The following CCDC171 variants were observed in gnomAD, a reference collection of about 807,000 sequenced individuals.
CCDC171 encodes the protein coiled-coil domain containing 171.
CCDC171 carries 177 observed loss-of-function variants against 168.2 expected under a neutral mutation model. The observed-to-expected ratio is 1.05, with a 90% CI of 0.93 to 1.19. The LOEUF (loss-of-function observed/expected upper bound fraction) is 1.19. CCDC171 is among the 50% of genes most tolerant of loss of function. The probability of loss-of-function intolerance (pLI) is 0.00; values close to 1 mark genes in which losing one functional copy is unlikely to be tolerated. For missense variants in CCDC171, 1,991 were observed against 1,539.0 expected (o/e 1.29, Z -4.91); for synonymous variants, 687 against 540.8 (o/e 1.27, Z -3.75).
At chr9:15,598,712 T>C (rs1489666641) in intron 6 of CCDC171, among the ~76,000 whole-genome samples, 1 of 152,140 alleles carries the variant, frequency 6.6e-6, no homozygotes, top group Non-Finnish European at 1.5e-5. Flanking sequence ...CTTGTTAACT[T>C]TCTGTCTCAT....
chr9:15,826,326 C>CTT (rs34040261), intron 21 of CCDC171, among the ~76,000 whole-genome samples: 80 of 150,596 alleles, frequency 5.3e-4, no homozygotes, highest in Non-Finnish European at 6.4e-4. Context: ...TTTGTTGATC[C>CTT]TTTTTTTTTA....
At chr9:15,768,904 T>G (rs146339831) in intron 18 of CCDC171, among the ~76,000 whole-genome samples, 2 of 152,298 alleles carry the variant, frequency 1.3e-5, no homozygotes, top group African/African-American at 4.8e-5. Flanking sequence ...TTGTTTCTTA[T>G]TGCATGAATT....
intron 3 of CCDC171, among the ~76,000 whole-genome samples, chr9:15,991,619 C>T (rs1387449161): frequency 6.6e-6 from 1 of 151,948 alleles, no homozygotes; most frequent in Non-Finnish European, 1.5e-5. Context: ...AAAATCCCTT[C>T]AAAAAATCAA....
intron 11 of CCDC171, among the ~76,000 whole-genome samples, chr9:15,703,392 A>G (rs916186827): frequency 1.3e-5 from 2 of 152,234 alleles, no homozygotes; most frequent in East Asian, 1.9e-4. Flanking sequence ...GTTTATATCC[A>G]TTAATATATC....
rs141642229 is a variant in CCDC171, at chr9:15,810,349, T to C, written c.3267+25655T>C. Reference sequence around the variant, plus strand: ...AGCTGGCTTTGCCTAGTGGATCCCATGCCAGGGCCACGGGCAGAGCTGCCT... The same window carrying C: ...AGCTGGCTTTGCCTAGTGGATCCCACGCCAGGGCCACGGGCAGAGCTGCCT... On this transcript the variant is annotated intron_variant, in intron 21 of 25. Coordinates refer to ENST00000380701, the MANE Select transcript of CCDC171 (RefSeq NM_173550.4). Among the ~76,000 whole-genome samples the C allele has an allele frequency of 6.4e-3, 980 of 152,308 alleles. 16 individuals carry two copies. The highest frequency in any genetic ancestry group is 0.022 in the African/African-American group (925 of 41,572).
intron 5 of CCDC171, among the ~76,000 whole-genome samples, chr9:15,593,015 C>A (rs2042101357): frequency 2.6e-5 from 4 of 151,694 alleles, no homozygotes; most frequent in Admixed American, 2.6e-4. Flanking sequence ...TAATGCTATC[C>A]CTCCCCACTC....
chr9:15,674,845 G>T (rs2049399630), intron 9 of CCDC171, among the ~76,000 whole-genome samples: 1 of 152,168 alleles, frequency 6.6e-6, no homozygotes, highest in African/African-American at 2.4e-5. Flanking sequence ...TGTTGATTTG[G>T]GGTGGAGAGT....
chr9:15,962,933 A>G (rs1411855442), intron 25 of CCDC171, among the ~76,000 whole-genome samples: 1 of 151,778 alleles, frequency 6.6e-6, no homozygotes, highest in Admixed American at 6.6e-5. Flanking sequence ...AAACACATGT[A>G]TACATTTTGA....
Position 15,791,727 on chromosome 9 carries a change from C to T in CCDC171, c.3267+7033C>T, listed in dbSNP as rs185037379. On this transcript the variant is annotated intron_variant, in intron 21 of 25. Coordinates refer to ENST00000380701, the MANE Select transcript of CCDC171 (RefSeq NM_173550.4). ...CCCGGCAAACAGGGTCTGGAGTGGA[C>T]CTTCAGCAAACTCCAACAGACCTGC... Among the ~76,000 whole-genome samples the T allele has an allele frequency of 3.3e-3, 508 of 152,210 alleles. 3 individuals are homozygous for T. Among genetic ancestry groups the T allele is most frequent in the African/African-American group, 0.012 (497 of 41,522 alleles).
At chr9:15,669,376 G>T (rs1273376533) in intron 9 of CCDC171, among the ~76,000 whole-genome samples, 1 of 152,026 alleles carries the variant, frequency 6.6e-6, no homozygotes, top group African/African-American at 2.4e-5. Flanking sequence ...TATGGGGTAT[G>T]TGTGATATTT....
At position 15,781,639 on chromosome 9, in the gene CCDC171, C is replaced by T. The variant is rs1420151121; in HGVS notation, c.3081+2489C>T. ...TGTTGGCCAGGCTGATCTCAAACTC[C>T]TGACCTCAGGTTATCTGCCTACCTC... On this transcript the variant is annotated intron_variant, in intron 20 of 25. Transcript: ENST00000380701. Among the ~76,000 whole-genome samples the T allele has an allele frequency of 1.3e-5, 2 of 152,118 alleles. 1 individual carries two copies. The highest frequency in any genetic ancestry group is 2.9e-5 in the Non-Finnish European group (2 of 68,018).
intron 15 of CCDC171, among the ~76,000 whole-genome samples, chr9:15,729,068 A>C (rs756245829): frequency 6.6e-6 from 1 of 152,192 alleles, no homozygotes; most frequent in Non-Finnish European, 1.5e-5. Flanking sequence ...AAAGATAATT[A>C]AAATGAATGT....
At chr9:15,920,765 T>TA (rs1449188353) in intron 25 of CCDC171, among the ~76,000 whole-genome samples, 2 of 151,752 alleles carry the variant, frequency 1.3e-5, no homozygotes, top group Non-Finnish European at 3.0e-5. Context: ...TAAGACAGAA[T>TA]ATTATTAATT....
At chr9:15,860,638 T>G in intron 23 of CCDC171, among the ~76,000 whole-genome samples, 1 of 152,170 alleles carries the variant, frequency 6.6e-6, no homozygotes, top group Non-Finnish European at 1.5e-5. Context: ...TTTAATATTC[T>G]TAAATCTATT....
At chr9:15,786,622 C>T (rs1304387699) in intron 21 of CCDC171, among the ~76,000 whole-genome samples, 4 of 152,112 alleles carry the variant, frequency 2.6e-5, no homozygotes, top group Non-Finnish European at 2.9e-5. Flanking sequence ...GCCATTGAAA[C>T]ATCTGTGACC....
Position 15,643,527 on chromosome 9 carries a change from T to C in CCDC171, c.823-13600T>C, listed in dbSNP as rs547428931. Among the ~76,000 whole-genome samples, 34 of 152,338 alleles carry C rather than the reference T, an allele frequency of 2.2e-4. No homozygotes were observed. The South Asian group carries it at 5.8e-3, about 26-fold the overall frequency. On this transcript the variant is annotated intron_variant, in intron 7 of 25. Coordinates refer to ENST00000380701, the MANE Select transcript of CCDC171 (RefSeq NM_173550.4). ...GTTTAATTTAGGTGGCTGCCACTTC[T>C]TGACATTCCAATCAGGGATTCTTTA... is the stretch of plus-strand genomic sequence containing the variant.
At chr9:15,805,598 T>C (rs764982510) in intron 21 of CCDC171, among the ~76,000 whole-genome samples, 3 of 152,170 alleles carry the variant, frequency 2.0e-5, no homozygotes, top group Non-Finnish European at 4.4e-5. Flanking sequence ...ATAACACTAG[T>C]CTGAGAGACT....
chr9:16,104,757 A>G, the CCDC171 span, among the ~76,000 whole-genome samples: 4 of 152,052 alleles, frequency 2.6e-5, no homozygotes, highest in Admixed American at 1.3e-4. Flanking sequence ...CATTCAAAAA[A>G]CATTCATTGA....
chr9:15,654,830 G>A (rs148558132), intron 7 of CCDC171, among the ~76,000 whole-genome samples: 118 of 152,286 alleles, frequency 7.7e-4, no homozygotes, highest in Middle Eastern at 3.4e-3. Flanking sequence ...TGCACTGAGC[G>A]TGAGCCGAAG....
Sources: allele counts gnomAD v4.1 joint callset (sites outside exome capture counted in the v4.1 genomes callset), GRCh38; gene constraint gnomAD v4.1.1; transcripts MANE v1.5; gene names NCBI Gene and HGNC (gene_info 2026-07-23, HGNC 2026-07-21).